Variants in OPCML observed in about 807,000 individuals in gnomAD.
OPCML encodes the protein opioid-binding protein/cell adhesion molecule.
In OPCML, 13 loss-of-function variants were observed where a neutral mutation model predicts 37.8. The ratio of observed to expected loss-of-function variants is 0.34; its 90% CI spans 0.22 to 0.55. The LOEUF is 0.55. Ranked by LOEUF, OPCML falls within the 20% of genes least tolerant of loss-of-function variation. The pLI is 0.91. For synonymous variants in OPCML, 176 were observed against 168.8 expected, an observed-to-expected ratio of 1.04 and a Z score of -0.33; for missense variants, 341 against 435.6, an observed-to-expected ratio of 0.78 and a Z score of 1.93.
intron 1 of OPCML, among the ~76,000 whole-genome samples, chr11:133,074,629 CG>C (rs1948593662): frequency 6.6e-6 from 1 of 152,146 alleles, no homozygotes; most frequent in African/African-American, 2.4e-5. Context: ...ACCAGCTAGT[CG>C]GGGCTCTTGC....
At chr11:133,431,467 T>A (rs1946113169) in intron 1 of OPCML, among the ~76,000 whole-genome samples, 1 of 111,616 alleles carries the variant, frequency 9.0e-6, no homozygotes, top group Non-Finnish European at 1.6e-5. Context: ...TGTTTTTTGT[T>A]TGTTTGTTTG....
chr11:133,423,084 G>C (rs1244973262), intron 1 of OPCML: 12 of 985,318 alleles, frequency 1.2e-5, no homozygotes, highest in Non-Finnish European at 1.4e-5. Flanking sequence ...TCTCGAACGT[G>C]TTCTCCAGAA....
At chr11:132,592,486 T>C (rs1391433017) in intron 3 of OPCML, among the ~76,000 whole-genome samples, 1 of 152,226 alleles carries the variant, frequency 6.6e-6, no homozygotes, top group Non-Finnish European at 1.5e-5. Context: ...GCTGGAATAC[T>C]GGTGACTGTC....
intron 1 of OPCML, among the ~76,000 whole-genome samples, chr11:133,264,948 T>C (rs887714372): frequency 2.0e-5 from 3 of 152,210 alleles, no homozygotes; most frequent in Non-Finnish European, 4.4e-5. Flanking sequence ...AGTGGTTTTG[T>C]CTGCACTAGA....
At chr11:132,841,877 AAAAAAAAAAAAAAG>A (rs1297261872) in intron 2 of OPCML, among the ~76,000 whole-genome samples, 1 of 149,760 alleles carries the variant, frequency 6.7e-6, no homozygotes, top group African/African-American at 2.4e-5. Flanking sequence ...AAAAAAAAAA[AAAAAAAAAAAAAAG>A]AATAACTCCT....
chr11:133,263,371 AT>A (rs566631771), intron 1 of OPCML, among the ~76,000 whole-genome samples: 10 of 152,248 alleles, frequency 6.6e-5, no homozygotes, highest in Non-Finnish European at 1.3e-4. Flanking sequence ...AGATACACAA[AT>A]GCTTACCATT....
chr11:132,986,778 T>C (rs1946688835), intron 1 of OPCML, among the ~76,000 whole-genome samples: 1 of 152,146 alleles, frequency 6.6e-6, no homozygotes, highest in South Asian at 2.1e-4. Context: ...TTAATTACCA[T>C]CAGGGAAAAA....
intron 1 of OPCML, among the ~76,000 whole-genome samples, chr11:133,018,165 G>A (rs1018453760): frequency 6.6e-6 from 1 of 152,152 alleles, no homozygotes; most frequent in African/African-American, 2.4e-5. Context: ...GAGTCTGATA[G>A]CTAGGGTTGT....
intron 4 of OPCML, among the ~76,000 whole-genome samples, chr11:132,482,414 T>G (rs2096184001): frequency 6.6e-6 from 1 of 151,830 alleles, no homozygotes; most frequent in South Asian, 2.1e-4. Context: ...GATCTGAAAT[T>G]GTGGCAATAA....
chr11:133,509,595 T>A (rs1440375382), intron 1 of OPCML, among the ~76,000 whole-genome samples: 1 of 152,194 alleles, frequency 6.6e-6, no homozygotes, highest in African/African-American at 2.4e-5. Context: ...TCACACTTCC[T>A]ATGACAACTC....
chr11:132,825,869 T>G (rs1940292673), intron 2 of OPCML, among the ~76,000 whole-genome samples: 1 of 152,222 alleles, frequency 6.6e-6, no homozygotes, highest in South Asian at 2.1e-4. Context: ...CCTGGGCCGA[T>G]GGGGTCACTG....
chr11:132,618,849 C>T (rs1055688306), intron 3 of OPCML, among the ~76,000 whole-genome samples: 2 of 151,964 alleles, frequency 1.3e-5, no homozygotes, highest in African/African-American at 4.8e-5. Flanking sequence ...ATTCCTCCCC[C>T]ACTCCTTGTA....
chr11:133,035,603 T>G (rs955521248), intron 1 of OPCML, among the ~76,000 whole-genome samples: 2 of 152,182 alleles, frequency 1.3e-5, no homozygotes, highest in African/African-American at 4.8e-5. Context: ...GCTATTTCTC[T>G]TTCACGCCCT....
intron 1 of OPCML, among the ~76,000 whole-genome samples, chr11:133,294,954 G>A (rs928783479): frequency 6.6e-6 from 1 of 150,910 alleles, no homozygotes; most frequent in African/African-American, 2.4e-5. Flanking sequence ...CTCTCTAGTA[G>A]CTGGGATTAC....
At chr11:132,436,259 T>C (rs1940024) in intron 6 of OPCML, 22 bp from the exon 7 acceptor site, 636,361 of 1,613,516 alleles carry the variant, frequency 0.39, 134,698 homozygotes, top group African/African-American at 0.82. Context: ...AAGACATTGC[T>C]ATCAATTCAT....
chr11:133,144,407 T>A (rs562743476), intron 1 of OPCML, among the ~76,000 whole-genome samples: 1 of 152,322 alleles, frequency 6.6e-6, no homozygotes, highest in South Asian at 2.1e-4. Context: ...TCAGCAATAA[T>A]GTTTTATTTC....
chr11:132,594,293 G>A (rs1334424088), intron 3 of OPCML, among the ~76,000 whole-genome samples: 6 of 152,100 alleles, frequency 3.9e-5, no homozygotes, highest in Non-Finnish European at 8.8e-5. Context: ...TTACAGATTT[G>A]CCAACAATAT....
intron 1 of OPCML, among the ~76,000 whole-genome samples, chr11:133,330,945 A>C (rs1248220917): frequency 6.6e-6 from 1 of 152,176 alleles, no homozygotes; most frequent in Non-Finnish European, 1.5e-5. Context: ...GAAGTTAATA[A>C]AATTGTTTAA....
intron 2 of OPCML, among the ~76,000 whole-genome samples, chr11:132,921,325 C>T (rs1944793750): frequency 6.6e-6 from 1 of 152,054 alleles, no homozygotes; most frequent in Non-Finnish European, 1.5e-5. Flanking sequence ...CTTTGGTTGT[C>T]CCTTTATTGC....
Sources: allele counts gnomAD v4.1 joint callset (sites outside exome capture counted in the v4.1 genomes callset), GRCh38; gene constraint gnomAD v4.1.1; transcripts MANE v1.5; gene names NCBI Gene and HGNC (gene_info 2026-07-23, HGNC 2026-07-21).